Variants in GLS observed in about 807,000 individuals in gnomAD.
GLS encodes the protein glutaminase kidney isoform, mitochondrial.
In GLS, 36 loss-of-function variants were observed where a neutral mutation model predicts 86.7. The observed-to-expected ratio is 0.42, with a 90% CI of 0.32 to 0.55. The LOEUF is 0.55. Among genes scored for constraint, GLS ranks in the 20% least tolerant of loss-of-function variants. GLS has a pLI of 0.17. For missense variants in GLS, 528 were observed against 833.4 expected (o/e 0.63, Z 4.51); for synonymous variants, 317 against 305.9 (o/e 1.04, Z -0.38).
intron 14 of GLS, among the ~76,000 whole-genome samples, chr2:190,949,000 G>C (rs773879561): frequency 6.6e-6 from 1 of 152,128 alleles, no homozygotes; most frequent in Non-Finnish European, 1.5e-5. Context: ...GCTGGGCTGG[G>C]ATGGCCTGGG....
At chr2:190,944,519 T>G (rs894790739) in intron 14 of GLS, among the ~76,000 whole-genome samples, 1 of 152,206 alleles carries the variant, frequency 6.6e-6, no homozygotes, top group African/African-American at 2.4e-5. Context: ...GGAGTAGCTG[T>G]CTTTGTCTTT....
intron 7 of GLS, among the ~76,000 whole-genome samples, chr2:190,918,448 G>T (rs1689617340): frequency 6.6e-6 from 1 of 152,110 alleles, no homozygotes; most frequent in African/African-American, 2.4e-5. Context: ...GAATTGAAGA[G>T]AGTTAGGGCC....
intron 5 of GLS, among the ~76,000 whole-genome samples, chr2:190,902,710 G>A (rs1442508287): frequency 6.6e-6 from 1 of 152,172 alleles, no homozygotes; most frequent in Non-Finnish European, 1.5e-5. Flanking sequence ...TGTTCATTGT[G>A]CTGGGAATTA....
At position 190,902,012 on chromosome 2, in the gene GLS, A is replaced by G. The variant is rs1688958689; in HGVS notation, c.801A>G (p.Thr267=). The G allele has an allele frequency of 6.2e-7, 1 of 1,606,776 alleles. No homozygotes were observed. Among genetic ancestry groups the G allele is most frequent in the Non-Finnish European group, 8.5e-7 (1 of 1,173,576 alleles). ...SPDLWGVSVC[T]VDGQRHSTGD... ...ATTTGTGGGGTGTGTCTGTTTGTAC[A>G]GTAGATGGACAGAGGTAAGTTTATT... The change falls in exon 5 of 18, where the codon ACA becomes ACG. Residue 267 remains threonine (T), a synonymous_variant. Coordinates refer to ENST00000320717, the MANE Select transcript of GLS (RefSeq NM_014905.5).
intron 7 of GLS, among the ~76,000 whole-genome samples, chr2:190,918,396 A>C (rs1297154470): frequency 6.6e-6 from 1 of 152,168 alleles, no homozygotes. Context: ...TGCTAGCTGC[A>C]AACCCTTTTC....
At chr2:190,939,628 TTTG>T (rs1292408640) in intron 14 of GLS, among the ~76,000 whole-genome samples, 2 of 151,746 alleles carry the variant, frequency 1.3e-5, no homozygotes, top group African/African-American at 4.8e-5. Context: ...ATTATAAATT[TTTG>T]TTATTTTATA....
chr2:190,903,996 T>G (rs1216021888), intron 5 of GLS, among the ~76,000 whole-genome samples: 1 of 152,228 alleles, frequency 6.6e-6, no homozygotes, highest in African/African-American at 2.4e-5. Context: ...CCAGAACTTT[T>G]TCATTCCCAA....
At chr2:190,946,481 G>A (rs2124939312) in intron 14 of GLS, among the ~76,000 whole-genome samples, 1 of 152,184 alleles carries the variant, frequency 6.6e-6, no homozygotes, top group South Asian at 2.1e-4. Flanking sequence ...GGTAGAAACA[G>A]AAGGATGTTT....
In GLS at chr2:190,895,040, T is replaced by A; in HGVS notation, c.387-112T>A. The stretch of plus-strand genomic sequence containing the variant: ...CATTTATTATGACTGTAGTCTTGAG[T>A]ATATGAGCTCAGCTGTAGTCTAGTT... On this transcript the variant is annotated intron_variant, in intron 1 of 17. Coordinates refer to ENST00000320717, the MANE Select transcript of GLS (RefSeq NM_014905.5). This position sits in a 1 kb window ranked among gnomAD's most constrained non-coding sequence, Gnocchi z 4.2. 3.6e-6 allele frequency: 2 copies of A among 560,666 alleles called. No homozygotes were observed. Among genetic ancestry groups the A allele is most frequent in the Non-Finnish European group, 6.6e-6 (2 of 304,370 alleles). The allele number at this position is 560,666 out of a possible 1,614,324, so 34.7% of individuals were successfully genotyped here.
In GLS at chr2:190,953,950, A is replaced by ATGTGTGTGTGTGTGTG. The variant is rs57991546; in HGVS notation, c.1712+355_1712+370dup. 3.7e-5 allele frequency among the ~76,000 whole-genome samples: 5 copies of ATGTGTGTGTGTGTGTG among 136,684 alleles called. No homozygotes were observed. The highest frequency in any genetic ancestry group is 2.2e-4 in the East Asian group (1 of 4,504). 89.7% of individuals were successfully genotyped at this position (136,684 alleles called of 152,430 possible). ...CTACCCTCCATTCCCAATCTTTGAT[A>ATGTGTGTGTGTGTGTG]TGTGTGTGTGTGTGTGTGTGTGTGT... On this transcript the variant is annotated intron_variant, in intron 15 of 17. Coordinates refer to ENST00000320717, the MANE Select transcript of GLS (RefSeq NM_014905.5). This position sits in a 1 kb window ranked among gnomAD's most constrained non-coding sequence, Gnocchi z 4.0.
chr2:190,915,065 G>C (rs1425847212), intron 7 of GLS, among the ~76,000 whole-genome samples: 1 of 151,570 alleles, frequency 6.6e-6, no homozygotes, highest in Non-Finnish European at 1.5e-5. Flanking sequence ...GCCCAGGCTG[G>C]AGTGCAGTTC....
At chr2:190,944,349 A>G (rs890304831) in intron 14 of GLS, among the ~76,000 whole-genome samples, 2 of 152,142 alleles carry the variant, frequency 1.3e-5, no homozygotes, top group African/African-American at 2.4e-5. Flanking sequence ...CTTGTCCTCT[A>G]TCCTAACACA....
In GLS at chr2:190,963,903, G is replaced by GC. The variant is rs912323821; in HGVS notation, c.*917_*918insC. 4.1e-5 allele frequency: 6 copies of GC among 146,808 alleles called. No homozygotes were observed. Among genetic ancestry groups the GC allele is most frequent in the Non-Finnish European group, 7.6e-5 (5 of 66,210 alleles). 9.1% of individuals were successfully genotyped at this position (146,808 alleles called of 1,614,324 possible). A position where few individuals can be genotyped will look rare whatever the true frequency, so the allele number is the denominator to read the frequency against. Reference sequence around the variant, plus strand: ...ATGTGCAACTGCAGCTCTTTAAGAAGTTTTTTTTTTTTAGCTTCTAGGGTA... The same window carrying GC: ...ATGTGCAACTGCAGCTCTTTAAGAAGCTTTTTTTTTTTTAGCTTCTAGGGTA... On this transcript the variant is annotated 3_prime_UTR_variant, in exon 18 of 18. Coordinates refer to ENST00000320717, the MANE Select transcript of GLS (RefSeq NM_014905.5).
Position 190,913,103 on chromosome 2 carries a change from A to G in GLS, c.1038+2782A>G. ...TGGTGCCATTAAAATCATTTTCTTC[A>G]TGTTAATCCCCCCACCCCAAAATTA... On this transcript the variant is annotated intron_variant, in intron 7 of 17. Coordinates refer to ENST00000320717, the MANE Select transcript of GLS (RefSeq NM_014905.5). The surrounding 1 kb of genome is among the most constrained non-coding windows in gnomAD (Gnocchi z 6.1). 1.7e-6 allele frequency: 2 copies of G among 1,147,120 alleles called. No individual in the cohort carries two copies. The highest frequency in any genetic ancestry group is 2.4e-6 in the Non-Finnish European group (2 of 850,024). 71.1% of individuals were successfully genotyped at this position (1,147,120 alleles called of 1,614,324 possible). A position where few individuals can be genotyped will look rare whatever the true frequency, so the allele number is the denominator to read the frequency against.
chr2:190,924,513 A>T lies in GLS; in HGVS notation c.1198-30A>T. ...ACTTATGTGCATTCCTGTGTGCCTG[A>T]ATTTTTAATTGCCTTTCTGGTTTTT... On this transcript the variant is annotated intron_variant, in intron 10 of 17. Transcript: ENST00000320717. The surrounding 1 kb of genome is among the most constrained non-coding windows in gnomAD (Gnocchi z 5.2). The T allele has an allele frequency of 7.2e-7, 1 of 1,395,038 alleles. No individual in the cohort carries two copies. Among genetic ancestry groups the T allele is most frequent in the Non-Finnish European group, 1.0e-6 (1 of 980,492 alleles). The allele number at this position is 1,395,038 out of a possible 1,614,324, so 86.4% of individuals were successfully genotyped here.
At chr2:190,881,549 G>A in intron 1 of GLS, 79 bp downstream of exon 1, 1 of 1,324,562 alleles carries the variant, frequency 7.5e-7, no homozygotes. Flanking sequence ...CTGCGGTGGG[G>A]CGGGATAGGA....
chr2:190,947,887 G>A lies in GLS; in HGVS notation c.1651-5678G>A, dbSNP rs968771785. 2.0e-5 allele frequency among the ~76,000 whole-genome samples: 3 copies of A among 152,180 alleles called. No homozygotes were observed. Among genetic ancestry groups the A allele is most frequent in the African/African-American group, 7.2e-5 (3 of 41,434 alleles). On this transcript the variant is annotated intron_variant, in intron 14 of 17. Transcript: ENST00000320717. The surrounding 1 kb of genome is among the most constrained non-coding windows in gnomAD (Gnocchi z 5.0). ...GATAGGCATTCCAGAGGGTGTGTCA[G>A]CTTAGTTGGAAATACTCGTGGCGCT...
chr2:190,923,199 C>A (rs550512647), intron 9 of GLS, among the ~76,000 whole-genome samples: 9 of 152,250 alleles, frequency 5.9e-5, no homozygotes, highest in South Asian at 2.1e-4. Flanking sequence ...AAATGCAGAT[C>A]TGATTAGGTA....
chr2:190,947,381 TAAAC>T lies in GLS; in HGVS notation c.1651-6183_1651-6180del, dbSNP rs923288969. Reference sequence around the variant, plus strand: ...CACTGTTGTCATGACTTTGTACAAATAAACTAAGATAAGATTGTCTGGTTCGGGC... The same window carrying T: ...CACTGTTGTCATGACTTTGTACAAATTAAGATAAGATTGTCTGGTTCGGGC... On this transcript the variant is annotated intron_variant, in intron 14 of 17. Transcript: ENST00000320717. This position sits in a 1 kb window ranked among gnomAD's most constrained non-coding sequence, Gnocchi z 5.0. Among the ~76,000 whole-genome samples the T allele has an allele frequency of 1.4e-4, 22 of 152,196 alleles. 1 individual carries two copies. The highest frequency in any genetic ancestry group is 5.1e-4 in the African/African-American group (21 of 41,454).
Sources: gnomAD v4.1 joint callset for allele counts (sites outside exome capture counted in the v4.1 genomes callset) on GRCh38, gnomAD v4.1.1 for gene constraint, Gnocchi (gnomAD v3.1) non-coding constraint, MANE v1.5 for transcripts, NCBI Gene and HGNC (gene_info 2026-07-23, HGNC 2026-07-21) for gene names.